The following CDH13 variants were observed in gnomAD, a reference collection of about 807,000 sequenced individuals.
CDH13 encodes cadherin-13.
A neutral mutation model predicts 63.8 loss-of-function variants in CDH13; 24 were observed. That is an observed-to-expected ratio of 0.38 (90% confidence interval 0.27 to 0.53). The LOEUF (loss-of-function observed/expected upper bound fraction) is 0.53. Ranked by LOEUF, CDH13 falls within the 20% of genes least tolerant of loss-of-function variation. The pLI, the probability that CDH13 is intolerant of heterozygous loss-of-function variation, is 0.85. For missense variants in CDH13, 1,049 were observed against 903.1 expected (o/e 1.16, Z -2.07); for synonymous variants, 503 against 355.3 (o/e 1.42, Z -4.67).
intron 2 of CDH13, among the ~76,000 whole-genome samples, chr16:82,967,136 C>T (rs997814043): frequency 3.3e-5 from 5 of 152,062 alleles, no homozygotes; most frequent in African/African-American, 7.2e-5. Flanking sequence ...TGATTAGATC[C>T]AGGTTAAAGA....
intron 6 of CDH13, among the ~76,000 whole-genome samples, chr16:83,405,167 C>T (rs986815676): frequency 1.3e-5 from 2 of 152,032 alleles, no homozygotes; most frequent in African/African-American, 2.4e-5. Context: ...ATTCTATGTG[C>T]ATTCTTTCAG....
intron 2 of CDH13, among the ~76,000 whole-genome samples, chr16:82,870,270 C>A (rs1408237388): frequency 4.6e-5 from 7 of 152,054 alleles, no homozygotes; most frequent in Non-Finnish European, 8.8e-5. Flanking sequence ...TAAACATATT[C>A]TCTCCCTGCA....
intron 3 of CDH13, among the ~76,000 whole-genome samples, chr16:83,063,621 G>A (rs1317814839): frequency 6.6e-6 from 1 of 152,200 alleles, no homozygotes; most frequent in Non-Finnish European, 1.5e-5. Context: ...CTGGATTAGG[G>A]AGATGTTGTT....
At chr16:83,753,130 C>T (rs1231824803) in intron 11 of CDH13, among the ~76,000 whole-genome samples, 1 of 152,190 alleles carries the variant, frequency 6.6e-6, no homozygotes, top group Admixed American at 6.5e-5. Context: ...GCAAAAAGAA[C>T]ATAAATTAAA....
intron 6 of CDH13, among the ~76,000 whole-genome samples, chr16:83,434,845 A>ATGTGTGTG (rs1345655696): frequency 3.3e-4 from 27 of 80,766 alleles, no homozygotes; most frequent in South Asian, 1.6e-3. Flanking sequence ...AAATATATAT[A>ATGTGTGTG]TATGTGTGTG....
intron 2 of CDH13, among the ~76,000 whole-genome samples, chr16:82,885,998 A>T (rs1017284030): frequency 6.6e-6 from 1 of 152,232 alleles, no homozygotes; most frequent in East Asian, 1.9e-4. Flanking sequence ...GTGAGAAAAC[A>T]TGTAAAAGAT....
At chr16:83,611,510 G>C (rs1217222962) in intron 8 of CDH13, among the ~76,000 whole-genome samples, 4 of 151,018 alleles carry the variant, frequency 2.6e-5, no homozygotes, top group African/African-American at 9.7e-5. Flanking sequence ...TTTGTTTTGT[G>C]GATTTTTCTC....
intron 1 of CDH13, among the ~76,000 whole-genome samples, chr16:82,725,408 C>T (rs1026298876): frequency 6.6e-6 from 1 of 152,164 alleles, no homozygotes; most frequent in Non-Finnish European, 1.5e-5. Context: ...GTCTGGCTTA[C>T]AAGCTAGCTC....
chr16:82,833,334 G>A (rs1010422157), intron 1 of CDH13, among the ~76,000 whole-genome samples: 4 of 152,176 alleles, frequency 2.6e-5, no homozygotes, highest in Non-Finnish European at 4.4e-5. Flanking sequence ...TTTCGTGGAG[G>A]TATCCAACTT....
intron 6 of CDH13, among the ~76,000 whole-genome samples, chr16:83,450,478 A>T (rs1275117436): frequency 6.6e-6 from 1 of 152,176 alleles, no homozygotes; most frequent in Non-Finnish European, 1.5e-5. Flanking sequence ...CTGATTCATT[A>T]CCAGGATTTT....
chr16:83,052,765 A>G (rs1442756433), intron 3 of CDH13, among the ~76,000 whole-genome samples: 2 of 113,932 alleles, frequency 1.8e-5, no homozygotes. Flanking sequence ...TGACAGGGCG[A>G]GACTTTATCT....
At chr16:83,323,415 G>A (rs1377148434) in intron 5 of CDH13, among the ~76,000 whole-genome samples, 8 of 150,722 alleles carry the variant, frequency 5.3e-5, no homozygotes, top group Admixed American at 4.6e-4. Flanking sequence ...TGATTAGCTG[G>A]GATTACAGGT....
In CDH13 at chr16:83,099,722, C is replaced by A. The variant is rs557919798; in HGVS notation, c.367-25663C>A. ...GAACCATTCTTTGCCAATTACTTTACCTACCTGTGTCTCAGTTTCTTCATT... is the reference window on the plus strand; with the variant it reads ...GAACCATTCTTTGCCAATTACTTTAACTACCTGTGTCTCAGTTTCTTCATT... On this transcript the variant is annotated intron_variant, in intron 3 of 13. Coordinates refer to ENST00000567109, the MANE Select transcript of CDH13 (RefSeq NM_001257.5). Among the ~76,000 whole-genome samples, 5 of 151,888 alleles carry A rather than the reference C, an allele frequency of 3.3e-5. No individual in the cohort carries two copies. The South Asian group carries it at 8.4e-4, about 25-fold the overall frequency.
At chr16:82,995,460 T>C (rs1912099921) in intron 2 of CDH13, among the ~76,000 whole-genome samples, 1 of 152,116 alleles carries the variant, frequency 6.6e-6, no homozygotes, top group Non-Finnish European at 1.5e-5. Flanking sequence ...AACGCAAACG[T>C]GGTGGTGAAT....
intron 8 of CDH13, among the ~76,000 whole-genome samples, chr16:83,604,458 G>A (rs942148709): frequency 1.3e-5 from 2 of 152,164 alleles, no homozygotes; most frequent in African/African-American, 4.8e-5. Flanking sequence ...ATACTTCAGG[G>A]TCAAGTAGAT....
intron 6 of CDH13, among the ~76,000 whole-genome samples, chr16:83,427,157 G>A (rs534041049): frequency 3.3e-5 from 5 of 151,682 alleles, no homozygotes; most frequent in African/African-American, 4.8e-5. Flanking sequence ...CTGGTGATCC[G>A]CCTGCCTCAG....
chr16:83,023,135 C>T (rs1418990883), intron 2 of CDH13: 1 of 152,140 alleles, frequency 6.6e-6, no homozygotes, highest in African/African-American at 2.4e-5. Context: ...GTCAAACTTG[C>T]CATTTCAATT....
chr16:82,851,732 C>G (rs2039497089), intron 1 of CDH13, among the ~76,000 whole-genome samples: 1 of 151,996 alleles, frequency 6.6e-6, no homozygotes, highest in Non-Finnish European at 1.5e-5. Flanking sequence ...CTCCATTCCT[C>G]CATGCTTTCC....
rs1904294215 is a variant in CDH13, at chr16:83,798,500, AC to A, written c.*3471del. On this transcript the variant is annotated 3_prime_UTR_variant, in exon 14 of 14. Transcript: ENST00000567109. ...CCCTCCAGTAACATATGAGACAAGCACTACTATCTTCTCCAACTCACAGATA... is the reference window on the plus strand; with the variant it reads ...CCCTCCAGTAACATATGAGACAAGCATACTATCTTCTCCAACTCACAGATA... 1 of 152,252 alleles carries A rather than the reference AC, an allele frequency of 6.6e-6. No individual in the cohort carries two copies. Among genetic ancestry groups the A allele is most frequent in the African/African-American group, 2.4e-5 (1 of 41,472 alleles). The allele number at this position is 152,252 out of a possible 1,614,324, so 9.4% of individuals were successfully genotyped here.
Sources: allele counts gnomAD v4.1 joint callset (sites outside exome capture counted in the v4.1 genomes callset), GRCh38; gene constraint gnomAD v4.1.1; transcripts MANE v1.5; gene names NCBI Gene and HGNC (gene_info 2026-07-23, HGNC 2026-07-21).